EPHA5: variants seen among roughly 807,000 people sequenced by gnomAD.
EPHA5 encodes the protein EPH receptor A5.
In EPHA5, 60 loss-of-function variants were observed where a neutral mutation model predicts 105.0. The observed-to-expected ratio is 0.57, with a 90% CI of 0.46 to 0.71. The LOEUF (loss-of-function observed/expected upper bound fraction) is 0.71. Among genes scored for constraint, EPHA5 ranks in the 30% least tolerant of loss-of-function variants. The pLI is 0.00. For synonymous variants in EPHA5, 513 were observed against 449.1 expected (o/e 1.14, Z -1.80); for missense variants, 1,218 against 1,274.7 (o/e 0.96, Z 0.68).
intron 16 of EPHA5, among the ~76,000 whole-genome samples, chr4:65,325,997 T>C (rs934571572): frequency 3.0e-4 from 44 of 148,460 alleles, no homozygotes; most frequent in Non-Finnish European, 6.0e-5. Flanking sequence ...TTGAGAATCA[T>C]TGAGATATAT....
intron 8 of EPHA5, among the ~76,000 whole-genome samples, chr4:65,377,671 T>C (rs1372503980): frequency 6.6e-6 from 1 of 151,920 alleles, no homozygotes; most frequent in Non-Finnish European, 1.5e-5. Context: ...AGTTGCTATA[T>C]AAAAAAGCAA....
intron 4 of EPHA5, among the ~76,000 whole-genome samples, chr4:65,494,809 C>G (rs1189810154): frequency 2.0e-5 from 3 of 152,108 alleles, no homozygotes; most frequent in Non-Finnish European, 2.9e-5. Context: ...ATCTTGTTTG[C>G]CACTCCCAGT....
chr4:65,589,754 G>C (rs890122850), intron 3 of EPHA5, among the ~76,000 whole-genome samples: 1 of 152,080 alleles, frequency 6.6e-6, no homozygotes, highest in African/African-American at 2.4e-5. Context: ...ATTGGGAACA[G>C]GTGAATATTA....
At chr4:65,509,984 G>A (rs1041266697) in intron 3 of EPHA5, among the ~76,000 whole-genome samples, 2 of 151,674 alleles carry the variant, frequency 1.3e-5, no homozygotes, top group East Asian at 3.9e-4. Context: ...AACCATTGTG[G>A]ACGACATTTC....
intron 3 of EPHA5, among the ~76,000 whole-genome samples, chr4:65,584,106 T>C (rs1456080291): frequency 1.3e-5 from 2 of 151,816 alleles, no homozygotes; most frequent in Non-Finnish European, 3.0e-5. Context: ...TTATATCCAG[T>C]TTTTCCATTC....
rs1011855504 is a variant in EPHA5 at position 65,490,499 on chromosome 4, A to C, written c.1280T>G (p.Met427Arg). Residue 427 changes from methionine (M) to arginine (R), a missense_variant, in exon 5 of 17, where the codon ATG becomes AGG. Physicochemically the swap from Met to Arg is moderately conservative, Grantham distance 91 (BLOSUM62 -1). This residue lies in a region of EPHA5 where 971 missense variants were observed against 1,013.5 expected (regional missense o/e 0.96). Transcript: ENST00000613740. ...TGTGTGAGCGAGTAGATCCACCATCATGACAGAGGTGTTTTTCAGGCCGCT... is the reference window on the plus strand; with the variant it reads ...TGTGTGAGCGAGTAGATCCACCATCCTGACAGAGGTGTTTTTCAGGCCGCT... ...RQSGLKNTSV[M>R]MVDLLAHTNY... 2 of 1,614,158 alleles carry C rather than the reference A, an allele frequency of 1.2e-6. No individual in the cohort carries two copies. Among genetic ancestry groups the C allele is most frequent in the Admixed American group, 3.3e-5 (2 of 60,016 alleles).
intron 5 of EPHA5, among the ~76,000 whole-genome samples, chr4:65,455,530 G>T (rs1727496019): frequency 6.6e-6 from 1 of 152,108 alleles, no homozygotes; most frequent in African/African-American, 2.4e-5. Context: ...GGTAATTAGT[G>T]TAGATTTATT....
chr4:65,476,115 A>AGTGT (rs1371610921), intron 5 of EPHA5, among the ~76,000 whole-genome samples: 1 of 118,092 alleles, frequency 8.5e-6, no homozygotes, highest in Admixed American at 9.0e-5. Context: ...AGAGAGAGAG[A>AGTGT]GAGAGAGAGA....
Position 65,640,407 on chromosome 4 carries a change from T to C in EPHA5, c.246+2956A>G, listed in dbSNP as rs189986430. On this transcript the variant is annotated intron_variant, in intron 2 of 16. Coordinates refer to ENST00000613740, the MANE Select transcript of EPHA5 (RefSeq NM_001281766.3). ...TTCAAGCCATTCTCCTGCCTCAGCC[T>C]CCCGAGTAGCTGGGACTACAGGCGC... Among the ~76,000 whole-genome samples the C allele has an allele frequency of 8.2e-3, 1,225 of 148,824 alleles. 18 individuals are homozygous for C. The highest frequency in any genetic ancestry group is 0.028 in the African/African-American group (1,147 of 40,436).
chr4:65,438,046 G>T (rs1725652582), intron 5 of EPHA5, among the ~76,000 whole-genome samples: 1 of 151,940 alleles, frequency 6.6e-6, no homozygotes, highest in African/African-American at 2.4e-5. Flanking sequence ...CATCATAGTA[G>T]GATCATTCTT....
rs369237563 is a variant in EPHA5, at chr4:65,492,752, T to A, written c.1067-2040A>T. 2.0e-5 allele frequency among the ~76,000 whole-genome samples: 3 copies of A among 152,240 alleles called. No individual in the cohort carries two copies. The East Asian group carries it at 5.8e-4, about 29-fold the overall frequency. On this transcript the variant is annotated intron_variant, in intron 4 of 16. Coordinates refer to ENST00000613740, the MANE Select transcript of EPHA5 (RefSeq NM_001281766.3). ...GTAAACAGTGCTGCAATAAACATAC[T>A]TGTGCATGTGTCTTTATAGTAGAAT...
chr4:65,392,072 G>A (rs1273152308), intron 8 of EPHA5, among the ~76,000 whole-genome samples: 3 of 152,156 alleles, frequency 2.0e-5, no homozygotes, highest in East Asian at 1.9e-4. Flanking sequence ...TTCCTAGGAC[G>A]GTTTACTTCC....
chr4:65,617,598 T>A lies in EPHA5; in HGVS notation c.247-15294A>T, dbSNP rs746070513. ...TAGAAGTAATTTGGTCAAAGAACAC[T>A]TGGCATGTCAACTCTGAAATGTTGC... On this transcript the variant is annotated intron_variant, in intron 2 of 16. Transcript: ENST00000613740. Among the ~76,000 whole-genome samples the A allele has an allele frequency of 8.1e-4, 123 of 152,256 alleles. 1 individual carries two copies. Among genetic ancestry groups the A allele is most frequent in the Non-Finnish European group, 2.4e-4 (16 of 67,988 alleles).
At chr4:65,533,953 A>AAGAG (rs1736062803) in intron 3 of EPHA5, among the ~76,000 whole-genome samples, 1 of 151,518 alleles carries the variant, frequency 6.6e-6, no homozygotes, top group Non-Finnish European at 1.5e-5. Context: ...AAATAAATAA[A>AAGAG]AGAAAGAAAG....
intron 1 of EPHA5, among the ~76,000 whole-genome samples, chr4:65,661,733 T>G (rs1158547877): frequency 6.6e-6 from 1 of 152,140 alleles, no homozygotes; most frequent in Admixed American, 6.6e-5. Flanking sequence ...TGTGGACTGA[T>G]GGGCTGAACT....
intron 3 of EPHA5, among the ~76,000 whole-genome samples, chr4:65,534,297 A>G (rs1021855040): frequency 3.9e-5 from 6 of 152,200 alleles, no homozygotes; most frequent in Admixed American, 3.3e-4. Flanking sequence ...ATAATAAACA[A>G]TCACAATAAT....
chr4:65,482,686 A>G (rs545302703), intron 5 of EPHA5, among the ~76,000 whole-genome samples: 1 of 152,254 alleles, frequency 6.6e-6, no homozygotes, highest in Admixed American at 6.5e-5. Flanking sequence ...ATGACCTGTT[A>G]ATAGTGTTCA....
chr4:65,457,911 A>G (rs1319106540), intron 5 of EPHA5, among the ~76,000 whole-genome samples: 1 of 151,926 alleles, frequency 6.6e-6, no homozygotes, highest in African/African-American at 2.4e-5. Context: ...CGTCTCCACT[A>G]AAAATTCAAA....
chr4:65,455,101 C>T (rs752633480), intron 5 of EPHA5, among the ~76,000 whole-genome samples: 50 of 152,014 alleles, frequency 3.3e-4, no homozygotes, highest in Non-Finnish European at 5.3e-4. Flanking sequence ...GGAGCAGTGG[C>T]GGGCGCCTGG....
Sources: allele counts gnomAD v4.1 joint callset (sites outside exome capture counted in the v4.1 genomes callset), GRCh38; gene constraint gnomAD v4.1.1; regional missense constraint gnomAD v4.1.1; transcripts MANE v1.5; gene names NCBI Gene and HGNC (gene_info 2026-07-23, HGNC 2026-07-21).